The following LRSAM1 variants were observed in gnomAD, a reference collection of about 807,000 sequenced individuals.
LRSAM1 encodes the protein E3 ubiquitin-protein ligase LRSAM1.
LRSAM1 carries 96 observed loss-of-function variants against 118.1 expected under a neutral mutation model. That is an observed-to-expected ratio of 0.81 (90% confidence interval 0.69 to 0.96). The LOEUF is 0.96. LRSAM1 is among the 40% of genes least tolerant of loss of function. The probability of loss-of-function intolerance (pLI) is 0.00; values close to 1 mark genes in which losing one functional copy is unlikely to be tolerated. For missense variants in LRSAM1, 804 were observed against 915.5 expected, an observed-to-expected ratio of 0.88 and a Z score of 1.57; for synonymous variants, 322 against 364.2, an observed-to-expected ratio of 0.88 and a Z score of 1.32.
intron 10 of LRSAM1, among the ~76,000 whole-genome samples, chr9:127,469,868 A>C (rs546764161): frequency 6.6e-6 from 1 of 151,270 alleles, no homozygotes; most frequent in Non-Finnish European, 1.5e-5. Context: ...GGGAGGCTGA[A>C]GCAGGAGAAT....
intron 10 of LRSAM1, among the ~76,000 whole-genome samples, chr9:127,469,138 A>G (rs2253639): frequency 0.61 from 92,480 of 152,024 alleles, 28,493 homozygotes; most frequent in African/African-American, 0.64. Flanking sequence ...ACAGATCCAC[A>G]AGGAAAAGAC....
Position 127,496,103 on chromosome 9 carries a change from G to A in LRSAM1, c.1830+8G>A. The A allele has an allele frequency of 1.9e-6, 3 of 1,607,162 alleles. No homozygotes were observed. The highest frequency in any genetic ancestry group is 2.5e-6 in the Non-Finnish European group (3 of 1,179,962). ...CCAGGGGACCTGGCCAAGGTGGGCA[G>A]CAGCCGTCTGCATGGAGGGGAGGGG... is the stretch of plus-strand genomic sequence containing the variant. On this transcript the variant is annotated splice_region_variant and intron_variant, in intron 23 of 25. Coordinates refer to ENST00000300417, the MANE Select transcript of LRSAM1 (RefSeq NM_001005373.4).
In LRSAM1 at chr9:127,503,003, C is replaced by G. The variant is rs559889288; in HGVS notation, c.*104C>G. The G allele has an allele frequency of 5.4e-5, 80 of 1,477,528 alleles. No homozygotes were observed. Among genetic ancestry groups the G allele is most frequent in the South Asian group, 2.2e-4 (18 of 82,108 alleles). 91.5% of individuals were successfully genotyped at this position (1,477,528 alleles called of 1,614,324 possible). A position where few individuals can be genotyped will look rare whatever the true frequency, so the allele number is the denominator to read the frequency against. On this transcript the variant is annotated 3_prime_UTR_variant, in exon 26 of 26. Transcript: ENST00000300417. ...CAGCCAGACTCGTATGAGGCTCCCCCCTGCCCTGGGCCCCTTCCCCACTGC... is the reference window on the plus strand; with the variant it reads ...CAGCCAGACTCGTATGAGGCTCCCCGCTGCCCTGGGCCCCTTCCCCACTGC...
At chr9:127,473,506 G>A (rs1220226921) in intron 10 of LRSAM1, among the ~76,000 whole-genome samples, 3 of 152,190 alleles carry the variant, frequency 2.0e-5, no homozygotes, top group Non-Finnish European at 2.9e-5. Context: ...GATCTAGGAC[G>A]CAGGTTTCAC....
intron 21 of LRSAM1, among the ~76,000 whole-genome samples, chr9:127,493,972 G>A (rs1172175365): frequency 6.6e-6 from 1 of 152,244 alleles, no homozygotes; most frequent in African/African-American, 2.4e-5. Flanking sequence ...GCCAAGTGGT[G>A]CCTGTGCCCA....
intron 11 of LRSAM1, 36 bp downstream of exon 11, chr9:127,473,967 TG>T: frequency 6.2e-7 from 1 of 1,613,458 alleles, no homozygotes; most frequent in Non-Finnish European, 8.5e-7. Context: ...CATACATGTG[TG>T]TGTGTGCGTG....
At position 127,492,745 on chromosome 9, in the gene LRSAM1, C is replaced by T. The variant is rs1051341285; in HGVS notation, c.1504-57C>T. 5.8e-5 allele frequency: 88 copies of T among 1,519,130 alleles called. No homozygotes were observed. In the East Asian group the frequency reaches 1.4e-3, roughly 24 times the overall value. The allele number at this position is 1,519,130 out of a possible 1,614,324, so 94.1% of individuals were successfully genotyped here. ...CAGGCCCTTCTCCATCCTGCCACTG[C>T]GGGACTCCTGCGCTGCCGCCAGCTC... is the stretch of plus-strand genomic sequence containing the variant. On this transcript the variant is annotated intron_variant, in intron 20 of 25. Transcript: ENST00000300417.
At chr9:127,479,632 A>G (rs1038885139) in intron 13 of LRSAM1, 127 bp downstream of exon 13, 15 of 1,441,370 alleles carry the variant, frequency 1.0e-5, no homozygotes, top group Non-Finnish European at 1.4e-5. Context: ...TCTGTCCCCC[A>G]GCACCTGGGA....
chr9:127,491,267 G>A lies in LRSAM1; in HGVS notation c.1475G>A (p.Arg492Lys). ...LLQLTQLELK[R>K]KSLDTESLQE... is the part of the protein sequence containing the mutation. The stretch of plus-strand genomic sequence containing the variant: ...CAGCTGACACAGCTGGAGTTAAAGA[G>A]GAAGTCCCTGGACACAGAGTCACTC... Residue 492 changes from arginine (R) to lysine (K), a missense_variant, in exon 20 of 26, where the codon AGG becomes AAG. Arg to Lys is a conservative substitution (Grantham distance 26). Transcript: ENST00000300417. 1 of 1,613,864 alleles carries A rather than the reference G, an allele frequency of 6.2e-7. No homozygotes were observed. The highest frequency in any genetic ancestry group is 8.5e-7 in the Non-Finnish European group (1 of 1,179,994).
At chr9:127,481,104 C>T in intron 14 of LRSAM1, 79 bp from the exon 15 acceptor site, 1 of 1,518,968 alleles carries the variant, frequency 6.6e-7, no homozygotes, top group Non-Finnish European at 9.1e-7. Flanking sequence ...TTTCCTAAGC[C>T]CCTCTGCACA....
At chr9:127,471,472 TAAA>T (rs71380064) in intron 10 of LRSAM1, among the ~76,000 whole-genome samples, 3,040 of 68,078 alleles carry the variant, frequency 0.045, 124 homozygotes, top group African/African-American at 0.15. Context: ...CCTTATGTTA[TAAA>T]AAAAAAAAAA....
intron 2 of LRSAM1, among the ~76,000 whole-genome samples, chr9:127,452,833 T>C (rs1437710347): frequency 6.6e-6 from 1 of 152,222 alleles, no homozygotes; most frequent in Non-Finnish European, 1.5e-5. Flanking sequence ...GGTGATTGCC[T>C]CCTGGCTCAT....
Position 127,491,209 on chromosome 9 carries a change from G to A in LRSAM1, c.1423-6G>A. ...AAAAAAAAACCCTGTCTCGTCTTCT[G>A]TTTAGATTAAGTTAATAGAAACTGA... On this transcript the variant is annotated splice_polypyrimidine_tract_variant and splice_region_variant and intron_variant, in intron 19 of 25. Transcript: ENST00000300417. 1 of 1,612,640 alleles carries A rather than the reference G, an allele frequency of 6.2e-7. No individual in the cohort carries two copies. The highest frequency in any genetic ancestry group is 8.5e-7 in the Non-Finnish European group (1 of 1,178,834).
chr9:127,488,927 C>T (rs1173449012), intron 18 of LRSAM1, among the ~76,000 whole-genome samples: 2 of 152,128 alleles, frequency 1.3e-5, no homozygotes, highest in African/African-American at 4.8e-5. Flanking sequence ...CTTGCCGCTG[C>T]CTCCCTTCTT....
chr9:127,474,914 G>T (rs1462884355), intron 11 of LRSAM1, among the ~76,000 whole-genome samples: 1 of 152,150 alleles, frequency 6.6e-6, no homozygotes, highest in African/African-American at 2.4e-5. Flanking sequence ...GCTGGTAGAT[G>T]GGGGAGGCCA....
intron 9 of LRSAM1, among the ~76,000 whole-genome samples, chr9:127,462,814 A>G (rs1834797679): frequency 1.3e-5 from 2 of 151,954 alleles, no homozygotes; most frequent in South Asian, 4.2e-4. Flanking sequence ...CGTGCTGCAC[A>G]TGTACTCCTG....
chr9:127,487,899 C>G, intron 18 of LRSAM1, 136 bp downstream of exon 18: 1 of 627,826 alleles, frequency 1.6e-6, no homozygotes, highest in South Asian at 1.8e-5. Flanking sequence ...TAGAGGTGTA[C>G]AAGTGATCAG....
intron 12 of LRSAM1, 104 bp from the exon 13 acceptor site, chr9:127,479,279 C>T: frequency 7.7e-6 from 12 of 1,551,348 alleles, no homozygotes; most frequent in Non-Finnish European, 1.1e-5. Flanking sequence ...AGCATGAAGA[C>T]CTGGAGCCTG....
At chr9:127,500,843 A>G (rs1392112445) in intron 24 of LRSAM1, among the ~76,000 whole-genome samples, 167 bp from the exon 25 acceptor site, 1 of 149,644 alleles carries the variant, frequency 6.7e-6, no homozygotes, top group Non-Finnish European at 1.5e-5. Flanking sequence ...CAGAGAAGAG[A>G]AGAAGAGAGT....
Sources: allele counts gnomAD v4.1 joint callset (sites outside exome capture counted in the v4.1 genomes callset), GRCh38; gene constraint gnomAD v4.1.1; transcripts MANE v1.5; gene names NCBI Gene and HGNC (gene_info 2026-07-23, HGNC 2026-07-21).